WWOX: variants seen among roughly 807,000 people sequenced by gnomAD.
WWOX encodes the protein WW domain-containing oxidoreductase.
In WWOX, 69 loss-of-function variants were observed where a neutral mutation model predicts 46.2. That is an observed-to-expected ratio of 1.49 (90% confidence interval 1.23 to 1.82). The LOEUF is 1.82. Ranked by LOEUF, WWOX falls within the 40% of genes most tolerant of loss-of-function variation. WWOX has a pLI of 0.00. For missense variants in WWOX, 919 were observed against 542.6 expected (o/e 1.69, Z -6.89); for synonymous variants, 359 against 202.6 (o/e 1.77, Z -6.56).
chr16:78,406,308 ATATATAT>A (rs2082534963), intron 6 of WWOX, among the ~76,000 whole-genome samples: 5 of 20,202 alleles, frequency 2.5e-4, no homozygotes, highest in East Asian at 1.1e-3. Flanking sequence ...ATATAAATAT[ATATATAT>A]ATATATATAT....
intron 8 of WWOX, among the ~76,000 whole-genome samples, chr16:78,938,136 T>G (rs563189247): frequency 8.5e-5 from 13 of 152,312 alleles, no homozygotes; most frequent in Non-Finnish European, 1.5e-4. Context: ...CATCTGGCGC[T>G]GAATGTCAGG....
At chr16:78,366,895 C>G (rs1009672891) in intron 5 of WWOX, among the ~76,000 whole-genome samples, 1 of 151,058 alleles carries the variant, frequency 6.6e-6, no homozygotes, top group African/African-American at 2.4e-5. Context: ...CTTGCTTAAT[C>G]CAAAGCCTGG....
At chr16:78,103,869 C>A (rs1463965979) in intron 1 of WWOX, among the ~76,000 whole-genome samples, 1 of 151,934 alleles carries the variant, frequency 6.6e-6, no homozygotes, top group Non-Finnish European at 1.5e-5. Flanking sequence ...GTCGGCCTCT[C>A]CTGCTTTCCC....
At chr16:78,229,464 A>ATGTC (rs1555506125) in intron 5 of WWOX, among the ~76,000 whole-genome samples, 9 of 146,936 alleles carry the variant, frequency 6.1e-5, no homozygotes, top group Non-Finnish European at 1.2e-4. Flanking sequence ...TTTCTGTTTT[A>ATGTC]TCTCTCTCTA....
intron 8 of WWOX, among the ~76,000 whole-genome samples, chr16:79,186,530 A>T (rs1447635341): frequency 3.9e-5 from 6 of 152,330 alleles, no homozygotes; most frequent in Admixed American, 6.5e-5. Context: ...GGCCTACCCT[A>T]TTCCAGTCTG....
chr16:78,122,848 G>A (rs1415309409), intron 4 of WWOX, among the ~76,000 whole-genome samples: 1 of 152,024 alleles, frequency 6.6e-6, no homozygotes, highest in African/African-American at 2.4e-5. Context: ...CAAGTGATCC[G>A]CCCACCTTGG....
chr16:78,173,648 C>G (rs998301905), intron 5 of WWOX, among the ~76,000 whole-genome samples: 1 of 152,082 alleles, frequency 6.6e-6, no homozygotes, highest in African/African-American at 2.4e-5. Context: ...GCTAATATGA[C>G]TCTCAGATTC....
intron 8 of WWOX, among the ~76,000 whole-genome samples, chr16:78,571,745 G>A (rs1217465370): frequency 1.3e-5 from 2 of 152,122 alleles, no homozygotes; most frequent in African/African-American, 2.4e-5. Context: ...GTATGTGACT[G>A]CAATCCCAGC....
At position 78,547,395 on chromosome 16, in the gene WWOX, G is replaced by A. The variant is rs74509887; in HGVS notation, c.1056+114643G>A. ...ATCTAAGGTCACATAGCTCACAAAC[G>A]ACACAGCATGCACCCAAATGCCAGG... On this transcript the variant is annotated intron_variant, in intron 8 of 8. Transcript: ENST00000566780. Among the ~76,000 whole-genome samples the A allele has an allele frequency of 2.8e-4, 43 of 152,202 alleles. No homozygotes were observed. The East Asian group carries it at 4.1e-3, about 14-fold the overall frequency.
intron 8 of WWOX, among the ~76,000 whole-genome samples, chr16:78,641,211 T>A (rs755209442): frequency 1.7e-4 from 26 of 152,202 alleles, no homozygotes; most frequent in African/African-American, 6.0e-4. Context: ...TTTATTTTTT[T>A]TCAGGTCTAA....
chr16:78,571,123 T>C (rs998406081), intron 8 of WWOX, among the ~76,000 whole-genome samples: 1 of 152,142 alleles, frequency 6.6e-6, no homozygotes, highest in African/African-American at 2.4e-5. Context: ...TTACTTACAG[T>C]AGAAGAGAAA....
chr16:78,740,476 A>G (rs570104323), intron 8 of WWOX, among the ~76,000 whole-genome samples: 1 of 152,090 alleles, frequency 6.6e-6, no homozygotes, highest in African/African-American at 2.4e-5. Context: ...GCCTTGGAAA[A>G]CTGATTTCCG....
At chr16:78,675,594 C>G (rs1187978206) in intron 8 of WWOX, among the ~76,000 whole-genome samples, 1 of 152,162 alleles carries the variant, frequency 6.6e-6, no homozygotes, top group Non-Finnish European at 1.5e-5. Context: ...AGTGAAAAGA[C>G]TCCCGCCCTA....
At chr16:78,285,593 G>T (rs1296216224) in intron 5 of WWOX, among the ~76,000 whole-genome samples, 1 of 152,172 alleles carries the variant, frequency 6.6e-6, no homozygotes, top group East Asian at 1.9e-4. Context: ...GAACATTGCT[G>T]GGGGAAGATT....
chr16:78,973,564 G>A (rs527748033), intron 8 of WWOX, among the ~76,000 whole-genome samples: 21 of 152,046 alleles, frequency 1.4e-4, no homozygotes, highest in African/African-American at 4.6e-4. Flanking sequence ...TTTTTTTGGG[G>A]GCAGGGGGCA....
At chr16:78,869,283 A>C (rs560641687) in intron 8 of WWOX, among the ~76,000 whole-genome samples, 3 of 152,300 alleles carry the variant, frequency 2.0e-5, no homozygotes, top group South Asian at 2.1e-4. Context: ...TAGGGGTTAG[A>C]AGGGGATCAA....
chr16:78,510,073 GTC>G, intron 8 of WWOX, among the ~76,000 whole-genome samples: 1 of 151,064 alleles, frequency 6.6e-6, no homozygotes, highest in Non-Finnish European at 1.5e-5. Flanking sequence ...AAGTCTGTCT[GTC>G]TGTCTGTCTG....
At chr16:78,257,781 T>G (rs1173359913) in intron 5 of WWOX, among the ~76,000 whole-genome samples, 1 of 152,246 alleles carries the variant, frequency 6.6e-6, no homozygotes, top group Non-Finnish European at 1.5e-5. Context: ...AAAAGTGATT[T>G]GATAACTTTC....
At chr16:78,208,842 T>C (rs974431092) in intron 5 of WWOX, among the ~76,000 whole-genome samples, 2 of 152,236 alleles carry the variant, frequency 1.3e-5, no homozygotes, top group Admixed American at 1.3e-4. Flanking sequence ...AATGACTAGT[T>C]AATTACTATA....
Sources: allele counts gnomAD v4.1 joint callset (sites outside exome capture counted in the v4.1 genomes callset), GRCh38; gene constraint gnomAD v4.1.1; transcripts MANE v1.5; gene names NCBI Gene and HGNC (gene_info 2026-07-23, HGNC 2026-07-21).